Variants in DMD observed in about 807,000 individuals in gnomAD.
DMD encodes the protein mutant dystrophin.
A neutral mutation model predicts 330.1 loss-of-function variants in DMD; 63 were observed. That is an observed-to-expected ratio of 0.19 (90% CI 0.16 to 0.24). The LOEUF is 0.24. DMD is among the 10% of genes least tolerant of loss of function. The pLI, the probability that DMD is intolerant of heterozygous loss-of-function variation, is 1.00. For synonymous variants in DMD, 1,223 were observed against 959.8 expected (o/e 1.27, Z -5.07); for missense variants, 3,344 against 2,684.1 (o/e 1.25, Z -5.43).
At position 32,503,702 on chromosome X, in the gene DMD, T is replaced by C. The variant is rs376617734; in HGVS notation, c.2293-1860A>G. On this transcript the variant is annotated intron_variant, in intron 18 of 78. Transcript: ENST00000357033. ...TCCCGAGTAGCCGGGATTACAGGCG[T>C]GCACCACCACGCCCAGCTAATTTTT... Among the ~76,000 whole-genome samples, 1,097 of 110,075 alleles carry C rather than the reference T, an allele frequency of 1.0e-2. 12 individuals are homozygous for C. Among genetic ancestry groups the C allele is most frequent in the African/African-American group, 0.017 (509 of 30,198 alleles).
intron 7 of DMD, among the ~76,000 whole-genome samples, chrX:32,806,306 A>T (rs2076940406): frequency 9.0e-6 from 1 of 111,302 alleles, no homozygotes; most frequent in Non-Finnish European, 1.9e-5. Context: ...CTGATAAAAT[A>T]GACTTTAAAC....
chrX:31,128,985 T>G (rs2034123493), intron 77 of DMD, among the ~76,000 whole-genome samples: 1 of 111,944 alleles, frequency 8.9e-6, no homozygotes, highest in Non-Finnish European at 1.9e-5. Flanking sequence ...AACATTTATT[T>G]TTTTTTGGAA....
At chrX:32,125,890 G>A (rs777802420) in intron 44 of DMD, among the ~76,000 whole-genome samples, 220 of 111,915 alleles carry the variant, frequency 2.0e-3, no homozygotes, top group Non-Finnish European at 3.5e-3. Flanking sequence ...TTAAAATGTG[G>A]TCCTGGAACC....
At chrX:32,307,120 G>A (rs1309785942) in intron 42 of DMD, among the ~76,000 whole-genome samples, 1 of 110,995 alleles carries the variant, frequency 9.0e-6, no homozygotes, top group Admixed American at 9.7e-5. Context: ...AAATGTCCTA[G>A]ATAGAGTTCC....
At position 31,675,448 on chromosome X, in the gene DMD, C is replaced by T. The variant is rs566141116; in HGVS notation, c.7872+3927G>A. Among the ~76,000 whole-genome samples the T allele has an allele frequency of 7.1e-5, 8 of 111,890 alleles. No homozygotes were observed. In the South Asian group the frequency reaches 1.1e-3, roughly 16 times the overall value. On this transcript the variant is annotated intron_variant, in intron 53 of 78. Coordinates refer to ENST00000357033, the MANE Select transcript of DMD (RefSeq NM_004006.3). ...CGTGATCTTGGCTCACTGCAACCTC[C>T]GCCTCCCGGGTTCAAGCGATTCCCC...
At chrX:31,845,425 C>CTCTCTCTCTCTCT (rs35394288) in intron 48 of DMD, among the ~76,000 whole-genome samples, 2 of 100,745 alleles carry the variant, frequency 2.0e-5, no homozygotes, top group Non-Finnish European at 4.1e-5. Context: ...CTCTCTCTCT[C>CTCTCTCTCTCTCT]CCTCTCCTCC....
intron 1 of DMD, among the ~76,000 whole-genome samples, chrX:33,338,245 T>C (rs1257701670): frequency 2.7e-5 from 3 of 111,031 alleles, no homozygotes; most frequent in Admixed American, 9.6e-5. Flanking sequence ...ATAGAAACGA[T>C]GCATAGTTTA....
chrX:31,949,650 GT>G (rs1163396919), intron 45 of DMD, among the ~76,000 whole-genome samples: 1 of 110,539 alleles, frequency 9.0e-6, no homozygotes, highest in African/African-American at 3.3e-5. Flanking sequence ...CTGGACCTGG[GT>G]TTTTTTGTTG....
Position 31,593,744 on chromosome X carries a change from A to C in DMD, c.8217+33929T>G, listed in dbSNP as rs1429395307. Among the ~76,000 whole-genome samples the C allele has an allele frequency of 3.6e-5, 4 of 110,991 alleles. No individual in the cohort carries two copies. The East Asian group carries it at 1.1e-3, about 31-fold the overall frequency. On this transcript the variant is annotated intron_variant, in intron 55 of 78. Transcript: ENST00000357033. ...ATGTAATTTAAAAAATTGTTAACTC[A>C]TACTTTTTCTTATGTAATTAGAGTT...
chrX:31,987,508 G>A (rs1353600644), intron 44 of DMD, among the ~76,000 whole-genome samples: 2 of 111,261 alleles, frequency 1.8e-5, no homozygotes, highest in Admixed American at 9.6e-5. Flanking sequence ...CTATGAGATC[G>A]ATGTTTTTAG....
At chrX:31,775,313 T>C (rs987780150) in intron 50 of DMD, among the ~76,000 whole-genome samples, 1 of 111,192 alleles carries the variant, frequency 9.0e-6, no homozygotes, top group Non-Finnish European at 1.9e-5. Flanking sequence ...TATAAACGCC[T>C]GGCTAGTAAG....
chrX:31,310,060 T>C (rs2055351172), intron 62 of DMD, among the ~76,000 whole-genome samples: 1 of 110,700 alleles, frequency 9.0e-6, no homozygotes, highest in Non-Finnish European at 1.9e-5. Flanking sequence ...TGGGAGGTCA[T>C]TAACATGTTT....
At chrX:32,682,527 T>C (rs2062507308) in intron 9 of DMD, among the ~76,000 whole-genome samples, 1 of 111,430 alleles carries the variant, frequency 9.0e-6, no homozygotes, top group Non-Finnish European at 1.9e-5. Flanking sequence ...TTTGACCCCA[T>C]GAATTTTAGC....
intron 1 of DMD, among the ~76,000 whole-genome samples, chrX:33,295,286 C>T (rs2053568503): frequency 9.0e-6 from 1 of 110,701 alleles, no homozygotes; most frequent in Non-Finnish European, 1.9e-5. Context: ...TAATAATTGG[C>T]CACTACCTAT....
intron 7 of DMD, among the ~76,000 whole-genome samples, chrX:32,765,903 ACTTCATTTATTTTAAATGTAT>A (rs2064781222): frequency 1.8e-5 from 2 of 111,879 alleles, no homozygotes; most frequent in African/African-American, 6.5e-5. Context: ...TAAGAGTCCA[ACTTCATTTATTTTAAATGTAT>A]ATATTCAGTT....
intron 55 of DMD, among the ~76,000 whole-genome samples, chrX:31,545,000 T>G (rs1001654957): frequency 8.9e-6 from 1 of 111,961 alleles, no homozygotes; most frequent in East Asian, 2.8e-4. Flanking sequence ...GAGCCTGGTC[T>G]TTTCATCTCT....
At chrX:32,965,186 T>C (rs775279259) in intron 2 of DMD, among the ~76,000 whole-genome samples, 20 of 111,465 alleles carry the variant, frequency 1.8e-4, no homozygotes, top group African/African-American at 6.2e-4. Context: ...ATGTATTTGA[T>C]GATATTAAGC....
At chrX:31,246,157 G>A (rs1170978973) in intron 63 of DMD, among the ~76,000 whole-genome samples, 1 of 112,348 alleles carries the variant, frequency 8.9e-6, no homozygotes, top group Non-Finnish European at 1.9e-5. Flanking sequence ...TGAGTGCTCT[G>A]AATAGAAGAT....
At chrX:32,440,786 T>G (rs1325045976) in intron 28 of DMD, among the ~76,000 whole-genome samples, 2 of 111,757 alleles carry the variant, frequency 1.8e-5, no homozygotes, top group Non-Finnish European at 3.8e-5. Flanking sequence ...TAAGTAAGTA[T>G]AAAATAGGTT....
Sources: gnomAD v4.1 joint callset for allele counts (sites outside exome capture counted in the v4.1 genomes callset) on GRCh38, gnomAD v4.1.1 for gene constraint, MANE v1.5 for transcripts, NCBI Gene and HGNC (gene_info 2026-07-23, HGNC 2026-07-21) for gene names.